The following ZNF7 variants were observed in gnomAD, a reference collection of about 807,000 sequenced individuals.
The protein encoded by ZNF7 is C2-H2 type zinc finger protein.
Under a neutral mutation model 12.0 loss-of-function variants are expected in ZNF7, and 10 were observed. The observed-to-expected ratio is 0.83, with a 90% CI of 0.51 to 1.42. The LOEUF (loss-of-function observed/expected upper bound fraction) is 1.42. Among genes scored for constraint, ZNF7 ranks in the 40% most tolerant of loss-of-function variants. The probability of loss-of-function intolerance (pLI) is 0.00; values close to 1 mark genes in which losing one functional copy is unlikely to be tolerated. For missense variants in ZNF7, 854 were observed against 837.2 expected (o/e 1.02, Z -0.25); for synonymous variants, 334 against 295.0 (o/e 1.13, Z -1.35).
chr8:144,839,967 C>G (rs901620557), intron 4 of ZNF7, among the ~76,000 whole-genome samples: 2 of 152,176 alleles, frequency 1.3e-5, no homozygotes, highest in Non-Finnish European at 2.9e-5. Context: ...GAGATGGAGT[C>G]TTTGTTGCCC....
At chr8:144,846,193 G>A (rs756344166), downstream of ZNF7, 187 of 1,535,460 alleles carry the variant, frequency 1.2e-4, no homozygotes, top group South Asian at 2.7e-4. Context: ...TCCAGATTCT[G>A]TGCTAACCAT....
rs143341589 is a variant in ZNF7 at position 144,843,367 on chromosome 8, A to G, written c.*199A>G. On this transcript the variant is annotated 3_prime_UTR_variant, in exon 5 of 5. Coordinates refer to ENST00000532777, the MANE Select transcript of ZNF7 (RefSeq NM_003416.4). ...CACTTTGGGAGGCCAAGGCGGGCAC[A>G]TCACGAGGTCAGGAGGTTGAGACCA... 218 of 572,280 alleles carry G rather than the reference A, an allele frequency of 3.8e-4. 1 individual carries two copies. Among genetic ancestry groups the G allele is most frequent in the African/African-American group, 3.6e-3 (189 of 52,254 alleles). 35.5% of individuals were successfully genotyped at this position (572,280 alleles called of 1,614,324 possible). A position where few individuals can be genotyped will look rare whatever the true frequency, so the allele number is the denominator to read the frequency against.
At chr8:144,827,927 G>A (rs960387404) in intron 1 of ZNF7, 1 of 153,592 alleles carries the variant, frequency 6.5e-6, no homozygotes, top group African/African-American at 2.4e-5. Flanking sequence ...TCAGGCCTGG[G>A]TCTACTCCCG....
In ZNF7 at chr8:144,842,856, C is replaced by T. The variant is rs1586842828; in HGVS notation, c.1749C>T (p.Cys583=). 6.2e-7 allele frequency: 1 copy of T among 1,614,160 alleles called. No homozygotes were observed. Among genetic ancestry groups the T allele is most frequent in the African/African-American group, 1.3e-5 (1 of 75,042 alleles). Residue 583 remains cysteine (C), a synonymous_variant, in exon 5 of 5, where the codon TGC becomes TGT. Transcript: ENST00000532777. ...IIHAGVKPYE[C]SECGKAFSRS... is the part of the protein sequence containing the mutation. ...ATGCAGGGGTGAAGCCCTATGAGTG[C>T]AGTGAGTGTGGAAAAGCCTTCAGCC...
In ZNF7 at chr8:144,842,789, C is replaced by G. The variant is rs778046449; in HGVS notation, c.1682C>G (p.Ala561Gly). The change falls in exon 5 of 5, where the codon GCC (alanine) becomes GGC (glycine). Residue 561 changes from alanine to glycine, a missense_variant. Physicochemically the swap from Ala to Gly is moderately conservative, Grantham distance 60. Coordinates refer to ENST00000532777, the MANE Select transcript of ZNF7 (RefSeq NM_003416.4). ...TATAAATGTAATGAATGTGGGAAAG[C>G]CTTCAGTCAAAACTCAACCCTTTTC... is the stretch of plus-strand genomic sequence containing the variant. ...RPYKCNECGK[A>G]FSQNSTLFQH... The G allele has an allele frequency of 1.2e-6, 2 of 1,614,156 alleles. No homozygotes were observed. Among genetic ancestry groups the G allele is most frequent in the Non-Finnish European group, 8.5e-7 (1 of 1,180,042 alleles).
intron 1 of ZNF7, 68 bp downstream of exon 1, chr8:144,827,677 G>T: frequency 5.1e-6 from 5 of 985,288 alleles, no homozygotes; most frequent in Non-Finnish European, 6.0e-6. Flanking sequence ...CGCTTCCTTA[G>T]CCCTCCCGCC....
At chr8:144,827,691 G>T (rs1004338341) in intron 1 of ZNF7, 82 bp downstream of exon 1, 1 of 984,156 alleles carries the variant, frequency 1.0e-6, no homozygotes, top group Non-Finnish European at 1.2e-6. Flanking sequence ...TCCCGCCTTC[G>T]GCATTGGGGT....
At chr8:144,838,395 C>A in intron 4 of ZNF7, 1 of 469,944 alleles carries the variant, frequency 2.1e-6, no homozygotes, top group Non-Finnish European at 3.8e-6. Flanking sequence ...CCCACTGCCT[C>A]CGGCATCAGC....
chr8:144,840,828 C>G (rs377342627), intron 4 of ZNF7, among the ~76,000 whole-genome samples: 1 of 152,178 alleles, frequency 6.6e-6, no homozygotes, highest in African/African-American at 2.4e-5. Flanking sequence ...GAGAAGCCCA[C>G]CCCAGGGAGT....
At position 144,842,300 on chromosome 8, in the gene ZNF7, C is replaced by G. The variant is rs1476943042; in HGVS notation, c.1193C>G (p.Pro398Arg). The G allele has an allele frequency of 6.2e-7, 1 of 1,613,982 alleles. No homozygotes were observed. Among genetic ancestry groups the G allele is most frequent in the South Asian group, 1.1e-5 (1 of 91,082 alleles). ...KAQILKASDS[P>R]SLVAHQRIHA... ...CAAATTCTAAAAGCCTCAGACAGTC[C>G]AAGCCTTGTTGCACATCAGAGAATT... Residue 398 changes from proline (P) to arginine (R), a missense_variant, in exon 5 of 5, where the codon CCA (proline) becomes CGA (arginine). By Grantham distance (103) the Pro-to-Arg change is moderately radical (BLOSUM62 -2). Transcript: ENST00000532777.
Position 144,829,555 on chromosome 8 carries a change from C to T in ZNF7, c.81C>T (p.Ala27=), listed in dbSNP as rs774784915. Residue 27 remains alanine (A), a synonymous_variant, in exon 3 of 5, where the codon GCC becomes GCT. Transcript: ENST00000532777. ...AGTGTCTGGACCCTGGCCAGAGGGC[C>T]CTCTACAGGGAAGTGATGCTGGAGA... ...EWQCLDPGQR[A]LYREVMLENH... is the part of the protein sequence containing the mutation. The T allele has an allele frequency of 1.4e-5, 23 of 1,613,838 alleles. No individual in the cohort carries two copies. Among genetic ancestry groups the T allele is most frequent in the Non-Finnish European group, 1.9e-5 (22 of 1,179,936 alleles).
chr8:144,847,456 TAAA>T (rs1290875508), downstream of ZNF7: 2 of 152,156 alleles, frequency 1.3e-5, no homozygotes, highest in South Asian at 2.1e-4. Flanking sequence ...AATATATAAA[TAAA>T]AACATTTTGG....
chr8:144,840,036 G>A (rs548344273), intron 4 of ZNF7, among the ~76,000 whole-genome samples: 11 of 152,372 alleles, frequency 7.2e-5, no homozygotes, highest in Admixed American at 1.3e-4. Context: ...CCAGGTTCAA[G>A]TGATTCTTGT....
rs766545378 is a variant in ZNF7, at chr8:144,842,206, T to A, written c.1099T>A (p.Cys367Ser). Residue 367 changes from cysteine to serine, a missense_variant, in exon 5 of 5, where the codon TGT becomes AGT. Coordinates refer to ENST00000532777, the MANE Select transcript of ZNF7 (RefSeq NM_003416.4). ...TGERPYPCKECGKAFSQSSTL... is the reference protein window; with the variant it reads ...TGERPYPCKESGKAFSQSSTL... ...GGAGAGGCCCTACCCTTGCAAGGAG[T>A]GTGGGAAGGCCTTCAGCCAGAGCTC... 4.3e-6 allele frequency: 7 copies of A among 1,613,560 alleles called. No homozygotes were observed. The highest frequency in any genetic ancestry group is 1.7e-4 in the Middle Eastern group (1 of 6,060).
At position 144,843,334 on chromosome 8, in the gene ZNF7, C is replaced by G. The variant is rs186468249; in HGVS notation, c.*166C>G. On this transcript the variant is annotated 3_prime_UTR_variant, in exon 5 of 5. Coordinates refer to ENST00000532777, the MANE Select transcript of ZNF7 (RefSeq NM_003416.4). ...GCCGAGTGTGGTGGCTTATGCCTGT[C>G]ATCCCAGCACTTTGGGAGGCCAAGG... 83 of 815,862 alleles carry G rather than the reference C, an allele frequency of 1.0e-4. No homozygotes were observed. In the South Asian group the frequency reaches 1.6e-3, roughly 16 times the overall value. 50.5% of individuals were successfully genotyped at this position (815,862 alleles called of 1,614,324 possible).
chr8:144,833,378 C>CT (rs1014539026), intron 3 of ZNF7, among the ~76,000 whole-genome samples: 9 of 150,248 alleles, frequency 6.0e-5, no homozygotes, highest in South Asian at 2.1e-4. Context: ...GTGTTTTTGG[C>CT]TTTTTTTTGA....
In ZNF7 at chr8:144,843,030, G is replaced by A. The variant is rs776575162; in HGVS notation, c.1923G>A (p.Lys641=). The A allele has an allele frequency of 9.3e-6, 15 of 1,614,128 alleles. No individual in the cohort carries two copies. The highest frequency in any genetic ancestry group is 3.3e-5 in the South Asian group (3 of 91,066). ...KKLHQCEDCE[K]IFRWRSHLII... Reference sequence around the variant, plus strand: ...TGCATCAGTGTGAAGACTGTGAGAAGATATTTAGGTGGCGTTCACACCTAA... The same window carrying A: ...TGCATCAGTGTGAAGACTGTGAGAAAATATTTAGGTGGCGTTCACACCTAA... The change falls in exon 5 of 5, where the codon AAG becomes AAA. Residue 641 remains lysine, a synonymous_variant. Transcript: ENST00000532777.
rs1181350463 is a variant in ZNF7, at chr8:144,829,721, A to G, written c.130+117A>G. ...ACGCTCAGACCCTTGTGGGCTCCACAGGGGGCTTGGACTCATGAGTGGTGT... is the reference window on the plus strand; with the variant it reads ...ACGCTCAGACCCTTGTGGGCTCCACGGGGGGCTTGGACTCATGAGTGGTGT... On this transcript the variant is annotated intron_variant, in intron 3 of 4. Coordinates refer to ENST00000532777, the MANE Select transcript of ZNF7 (RefSeq NM_003416.4). The G allele has an allele frequency of 5.1e-6, 7 of 1,375,524 alleles. No individual in the cohort carries two copies. In the African/African-American group the frequency reaches 5.8e-5, roughly 11 times the overall value. The allele number at this position is 1,375,524 out of a possible 1,614,324, so 85.2% of individuals were successfully genotyped here.
At chr8:144,827,654 A>G in intron 1 of ZNF7, 45 bp downstream of exon 1, 17 of 985,372 alleles carry the variant, frequency 1.7e-5, no homozygotes, top group Non-Finnish European at 1.8e-5. Flanking sequence ...CCTCGGTCCG[A>G]GTGATCCCTG....
Sources: allele counts gnomAD v4.1 joint callset (sites outside exome capture counted in the v4.1 genomes callset), GRCh38; gene constraint gnomAD v4.1.1; transcripts MANE v1.5; gene names NCBI Gene and HGNC (gene_info 2026-07-23, HGNC 2026-07-21).